The following TRPM4 variants were observed in gnomAD, a reference collection of about 807,000 sequenced individuals.
TRPM4 encodes transient receptor potential cation channel subfamily M member 4.
TRPM4 carries 124 observed loss-of-function variants against 135.6 expected under a neutral mutation model. The ratio of observed to expected loss-of-function variants is 0.91; its 90% confidence interval spans 0.79 to 1.06. The LOEUF is 1.06. Ranked by LOEUF, TRPM4 falls within the 50% of genes least tolerant of loss-of-function variation. The probability of loss-of-function intolerance (pLI) is 0.00; values close to 1 mark genes in which losing one functional copy is unlikely to be tolerated. For synonymous variants in TRPM4, 745 were observed against 705.6 expected, an observed-to-expected ratio of 1.06 and a Z score of -0.88; for missense variants, 1,658 against 1,671.4, an observed-to-expected ratio of 0.99 and a Z score of 0.14.
chr19:49,196,788 C>T lies in TRPM4; in HGVS notation c.2559C>T (p.Ser853=), dbSNP rs1375589615. Residue 853 remains serine, a synonymous_variant, in exon 17 of 25, where the codon AGC becomes AGT. Coordinates refer to ENST00000252826, the MANE Select transcript of TRPM4 (RefSeq NM_017636.4). ...CCGGGCCTGGCCATGCCTCACTGAG[C>T]CAGCGCCTGCGCCTCTACCTCGCCG... ...GGPGPGHASL[S]QRLRLYLADS... 16 of 1,576,084 alleles carry T rather than the reference C, an allele frequency of 1.0e-5. No individual in the cohort carries two copies. Among genetic ancestry groups the T allele is most frequent in the Non-Finnish European group, 1.4e-5 (16 of 1,168,924 alleles).
rs1200223920 is a variant in TRPM4 at position 49,210,920 on chromosome 19, G to A, written c.3461+78G>A. ...ACTTCAGCTGAAGGCAGGGTCCTGG[G>A]AGGGAGGGAGAGAGGGAGGAGGCCC... is the stretch of plus-strand genomic sequence containing the variant. On this transcript the variant is annotated intron_variant, in intron 22 of 24. Transcript: ENST00000252826. The surrounding 1 kb of genome is among the most constrained non-coding windows in gnomAD (Gnocchi z 4.1). The A allele has an allele frequency of 6.3e-7, 1 of 1,588,098 alleles. No homozygotes were observed. The highest frequency in any genetic ancestry group is 2.3e-5 in the East Asian group (1 of 43,856).
At chr19:49,161,589 C>T (rs1244394725) in intron 2 of TRPM4, among the ~76,000 whole-genome samples, 1 of 150,976 alleles carries the variant, frequency 6.6e-6, no homozygotes, top group Non-Finnish European at 1.5e-5. Context: ...ACTCTGCCTG[C>T]CAAAGTGCTG....
chr19:49,185,956 A>T (rs527772004), intron 12 of TRPM4, among the ~76,000 whole-genome samples: 19 of 152,146 alleles, frequency 1.2e-4, no homozygotes, highest in African/African-American at 3.9e-4. Flanking sequence ...TCACCATGTT[A>T]GCCAGGCTGG....
chr19:49,177,230 C>T (rs1967730333), intron 9 of TRPM4, among the ~76,000 whole-genome samples: 1 of 151,706 alleles, frequency 6.6e-6, no homozygotes, highest in Non-Finnish European at 1.5e-5. Context: ...GAAGTGATCA[C>T]AGTCCACTGG....
In TRPM4 at chr19:49,211,385, C is replaced by T; in HGVS notation, c.3641-109C>T. The T allele has an allele frequency of 4.4e-6, 7 of 1,591,414 alleles. No homozygotes were observed. The highest frequency in any genetic ancestry group is 6.0e-6 in the Non-Finnish European group (7 of 1,163,522). On this transcript the variant is annotated intron_variant, in intron 24 of 24. Coordinates refer to ENST00000252826, the MANE Select transcript of TRPM4 (RefSeq NM_017636.4). The surrounding 1 kb of genome is among the most constrained non-coding windows in gnomAD (Gnocchi z 4.8). ...GGTCACTCTCTTGGTCTCCTTTGAG[C>T]CTTTTGTACTCTCGCCTTCGTCTTT...
intron 16 of TRPM4, among the ~76,000 whole-genome samples, chr19:49,196,177 T>G (rs1968627101): frequency 6.6e-6 from 1 of 152,126 alleles, no homozygotes; most frequent in Non-Finnish European, 1.5e-5. Context: ...TTTTAAAATA[T>G]TTTTTGTAGA....
At chr19:49,190,665 A>G in intron 15 of TRPM4, 31 bp from the exon 16 acceptor site, 1 of 1,610,902 alleles carries the variant, frequency 6.2e-7, no homozygotes, top group Non-Finnish European at 8.5e-7. Flanking sequence ...TCTTCCCCTC[A>G]TTTCTTGCTC....
chr19:49,200,147 T>G (rs1327829357), intron 17 of TRPM4, among the ~76,000 whole-genome samples, 153 bp from the exon 18 acceptor site: 1 of 152,158 alleles, frequency 6.6e-6, no homozygotes, highest in Non-Finnish European at 1.5e-5. Context: ...AGCTTGGTAC[T>G]GAATAAATTT....
At chr19:49,188,544 GT>G in intron 12 of TRPM4, 96 bp from the exon 13 acceptor site, 2 of 1,569,328 alleles carry the variant, frequency 1.3e-6, no homozygotes, top group Non-Finnish European at 1.8e-6. Context: ...ACCCCAGTTA[GT>G]TTCTGACCTC....
Position 49,210,939 on chromosome 19 carries a change from G to T in TRPM4, c.3462-76G>T. 1 of 1,585,934 alleles carries T rather than the reference G, an allele frequency of 6.3e-7. No individual in the cohort carries two copies. ...TCCTGGGAGGGAGGGAGAGAGGGAG[G>T]AGGCCCGGGAAGCAGGCAGAGCCCT... On this transcript the variant is annotated intron_variant, in intron 22 of 24. Coordinates refer to ENST00000252826, the MANE Select transcript of TRPM4 (RefSeq NM_017636.4). The surrounding 1 kb of genome is among the most constrained non-coding windows in gnomAD (Gnocchi z 4.1).
At chr19:49,186,183 C>T (rs1263955938) in intron 12 of TRPM4, among the ~76,000 whole-genome samples, 1 of 152,202 alleles carries the variant, frequency 6.6e-6, no homozygotes, top group African/African-American at 2.4e-5. Context: ...CCTAGAACCA[C>T]AGAAGCAAAT....
chr19:49,176,186 A>G (rs895932617), intron 9 of TRPM4, among the ~76,000 whole-genome samples: 1 of 151,516 alleles, frequency 6.6e-6, no homozygotes, highest in Non-Finnish European at 1.5e-5. Context: ...GGCCTCCCAA[A>G]GTACTTGGAT....
chr19:49,170,123 A>G (rs1205497719), intron 6 of TRPM4, among the ~76,000 whole-genome samples: 1 of 152,154 alleles, frequency 6.6e-6, no homozygotes. Flanking sequence ...ATTTTTTTGC[A>G]TTATTGAGTT....
chr19:49,200,521 T>C (rs1968880482), intron 18 of TRPM4, 89 bp downstream of exon 18: 3 of 1,595,184 alleles, frequency 1.9e-6, no homozygotes, highest in Non-Finnish European at 2.6e-6. Flanking sequence ...GGGGCGTGAC[T>C]TTGGGGAGCA....
intron 2 of TRPM4, among the ~76,000 whole-genome samples, chr19:49,163,232 G>T (rs1967036836): frequency 6.8e-6 from 1 of 146,902 alleles, no homozygotes; most frequent in Non-Finnish European, 1.5e-5. Context: ...GTCTCATTCT[G>T]TTGCCCAGGC....
In TRPM4 at chr19:49,182,451, C is replaced by CCCATCCAT. The variant is rs61258103; in HGVS notation, c.1264-84_1264-77dup. 4,721 of 687,724 alleles carry CCCATCCAT rather than the reference C, an allele frequency of 6.9e-3. 22 individuals carry two copies. The highest frequency in any genetic ancestry group is 7.9e-3 in the Non-Finnish European group (3,055 of 387,208). The allele number at this position is 687,724 out of a possible 1,614,324, so 42.6% of individuals were successfully genotyped here. Reference sequence around the variant, plus strand: ...ACCTATCCATTCATCCATCCATCCACCCATCCATCCATCCATCCATCCATC... The same window carrying CCCATCCAT: ...ACCTATCCATTCATCCATCCATCCACCCATCCATCCATCCATCCATCCATCCATCCATC... On this transcript the variant is annotated intron_variant, in intron 10 of 24. Transcript: ENST00000252826.
intron 9 of TRPM4, among the ~76,000 whole-genome samples, chr19:49,177,669 G>A (rs940206183): frequency 2.0e-5 from 3 of 152,068 alleles, no homozygotes; most frequent in African/African-American, 7.2e-5. Flanking sequence ...GCCCAGTGCT[G>A]GGCAGTTGGT....
intron 9 of TRPM4, among the ~76,000 whole-genome samples, chr19:49,175,062 C>G (rs113906210): frequency 0.072 from 9,618 of 134,116 alleles, 505 homozygotes; most frequent in African/African-American, 0.15. Context: ...TGCCATCATG[C>G]CTGGCTTTTT....
chr19:49,161,466 G>T (rs1290603182), intron 2 of TRPM4, among the ~76,000 whole-genome samples: 1 of 151,312 alleles, frequency 6.6e-6, no homozygotes, highest in African/African-American at 2.4e-5. Flanking sequence ...GGGACCACAG[G>T]CATGCACCAC....
Sources: gnomAD v4.1 joint callset for allele counts (sites outside exome capture counted in the v4.1 genomes callset) on GRCh38, gnomAD v4.1.1 for gene constraint, Gnocchi (gnomAD v3.1) non-coding constraint, MANE v1.5 for transcripts, NCBI Gene and HGNC (gene_info 2026-07-23, HGNC 2026-07-21) for gene names.